The following PCDH9 variants were observed in gnomAD, a reference collection of about 807,000 sequenced individuals.
PCDH9 encodes protocadherin-9.
Under a neutral mutation model 70.6 loss-of-function variants are expected in PCDH9, and 24 were observed. That is an observed-to-expected ratio of 0.34 (90% CI 0.25 to 0.48). The LOEUF (loss-of-function observed/expected upper bound fraction) is 0.48. Among genes scored for constraint, PCDH9 ranks in the 20% least tolerant of loss-of-function variants. PCDH9 has a pLI of 0.99. For synonymous variants in PCDH9, 562 were observed against 558.5 expected (o/e 1.01, Z -0.09); for missense variants, 1,281 against 1,503.6 (o/e 0.85, Z 2.45).
intron 4 of PCDH9, among the ~76,000 whole-genome samples, chr13:66,429,352 C>A (rs182495486): frequency 3.3e-5 from 5 of 150,690 alleles, no homozygotes; most frequent in Admixed American, 1.3e-4. Context: ...GGAGAAAAAT[C>A]ATGTAAATGA....
At position 66,900,737 on chromosome 13, in the gene PCDH9, C is replaced by T. The variant is rs537976476; in HGVS notation, c.3138+2767G>A. ...TAAGAATTTCATCCAGATTAGTCAG[C>T]ACTCATTGACACCGAACATGACTCT... On this transcript the variant is annotated intron_variant, in intron 3 of 4. Transcript: ENST00000377865. Among the ~76,000 whole-genome samples, 18 of 151,726 alleles carry T rather than the reference C, an allele frequency of 1.2e-4. No homozygotes were observed. In the South Asian group the frequency reaches 3.7e-3, roughly 31 times the overall value.
intron 4 of PCDH9, among the ~76,000 whole-genome samples, chr13:66,407,674 T>C (rs1017988228): frequency 2.0e-5 from 3 of 152,206 alleles, no homozygotes; most frequent in Admixed American, 6.5e-5. Context: ...TTAGAAGCGA[T>C]CTACAATTAC....
intron 2 of PCDH9, among the ~76,000 whole-genome samples, chr13:67,165,812 T>G (rs1294096800): frequency 2.0e-5 from 3 of 152,234 alleles, no homozygotes; most frequent in African/African-American, 7.2e-5. Context: ...AAAAGGATTT[T>G]AAGACGCATG....
At position 66,845,020 on chromosome 13, in the gene PCDH9, G is replaced by A. The variant is rs1465893358; in HGVS notation, c.3138+58484C>T. Among the ~76,000 whole-genome samples, 7 of 152,120 alleles carry A rather than the reference G, an allele frequency of 4.6e-5. No homozygotes were observed. In the East Asian group the frequency reaches 1.2e-3, roughly 25 times the overall value. On this transcript the variant is annotated intron_variant, in intron 3 of 4. Coordinates refer to ENST00000377865, the MANE Select transcript of PCDH9 (RefSeq NM_203487.3). ...TTTTTACGGGTTTCAGAGGGGAAAAGTGTATGCTGACTCGTCCATAGGCAG... is the reference window on the plus strand; with the variant it reads ...TTTTTACGGGTTTCAGAGGGGAAAAATGTATGCTGACTCGTCCATAGGCAG...
intron 2 of PCDH9, among the ~76,000 whole-genome samples, chr13:66,923,439 C>T (rs1466703834): frequency 1.3e-5 from 2 of 151,598 alleles, no homozygotes; most frequent in East Asian, 3.9e-4. Context: ...ATTATAAAGA[C>T]TTTATCTTAA....
chr13:66,481,982 C>A (rs1215009174), intron 4 of PCDH9, among the ~76,000 whole-genome samples: 2 of 151,822 alleles, frequency 1.3e-5, no homozygotes, highest in African/African-American at 4.8e-5. Context: ...AATCAATCAA[C>A]AGTGAAAAAT....
At chr13:67,142,301 C>G (rs1306051139) in intron 2 of PCDH9, among the ~76,000 whole-genome samples, 2 of 152,110 alleles carry the variant, frequency 1.3e-5, no homozygotes, top group Non-Finnish European at 2.9e-5. Flanking sequence ...TAGTGAAGAT[C>G]TTACATTGAT....
chr13:66,678,964 G>C (rs2078281192), intron 3 of PCDH9, among the ~76,000 whole-genome samples: 1 of 150,826 alleles, frequency 6.6e-6, no homozygotes, highest in South Asian at 2.1e-4. Context: ...TATACATCCA[G>C]TATATATATA....
At chr13:67,182,311 T>C (rs892772050) in intron 2 of PCDH9, among the ~76,000 whole-genome samples, 7 of 152,142 alleles carry the variant, frequency 4.6e-5, no homozygotes, top group African/African-American at 1.4e-4. Context: ...TGAAAAAACA[T>C]GGAGTTGAGA....
intron 2 of PCDH9, among the ~76,000 whole-genome samples, chr13:67,179,947 G>A (rs1401961274): frequency 6.6e-6 from 1 of 152,100 alleles, no homozygotes; most frequent in African/African-American, 2.4e-5. Context: ...AGAAATGTAT[G>A]ATCTGTATTT....
chr13:66,743,494 T>TA lies in PCDH9; in HGVS notation c.3139-112084dup, dbSNP rs67661788. On this transcript the variant is annotated intron_variant, in intron 3 of 4. Coordinates refer to ENST00000377865, the MANE Select transcript of PCDH9 (RefSeq NM_203487.3). ...ATGTACCCTAAAACTTAAAGTATAA[T>TA]AAAAAAAAAAAAATTTGGAAGAGGT... Among the ~76,000 whole-genome samples the TA allele has an allele frequency of 2.3e-3, 338 of 144,686 alleles. 1 individual carries two copies. Among genetic ancestry groups the TA allele is most frequent in the African/African-American group, 6.7e-3 (262 of 38,958 alleles). 94.9% of individuals were successfully genotyped at this position (144,686 alleles called of 152,430 possible).
chr13:66,769,960 G>C (rs2079780284), intron 3 of PCDH9, among the ~76,000 whole-genome samples: 1 of 152,052 alleles, frequency 6.6e-6, no homozygotes, highest in African/African-American at 2.4e-5. Flanking sequence ...ACTGAAAAAG[G>C]AGCATCCATT....
At chr13:66,665,152 G>T (rs563744765) in intron 3 of PCDH9, among the ~76,000 whole-genome samples, 1 of 149,898 alleles carries the variant, frequency 6.7e-6, no homozygotes, top group South Asian at 2.1e-4. Context: ...TGTCGCCCAG[G>T]CTGGAGGGCA....
At position 66,803,685 on chromosome 13, in the gene PCDH9, T is replaced by TTTTGCAAAATGAA. The variant is rs757335519; in HGVS notation, c.3138+99818_3138+99819insTTCATTTTGCAAA. Among the ~76,000 whole-genome samples, 280 of 152,296 alleles carry TTTTGCAAAATGAA rather than the reference T, an allele frequency of 1.8e-3. 2 individuals are homozygous for TTTTGCAAAATGAA. The highest frequency in any genetic ancestry group is 2.1e-3 in the Admixed American group (32 of 15,294). ...TGAATTTCATTACAATAATGATTCA[T>TTTTGCAAAATGAA]TTCATATGCATATTGCAAAAAGGTT... On this transcript the variant is annotated intron_variant, in intron 3 of 4. Coordinates refer to ENST00000377865, the MANE Select transcript of PCDH9 (RefSeq NM_203487.3).
At chr13:66,471,795 G>A (rs1461549226) in intron 4 of PCDH9, among the ~76,000 whole-genome samples, 1 of 152,142 alleles carries the variant, frequency 6.6e-6, no homozygotes, top group African/African-American at 2.4e-5. Context: ...TGCTCTGCTA[G>A]TATCAGAGAA....
intron 4 of PCDH9, among the ~76,000 whole-genome samples, chr13:66,511,422 C>T (rs951780634): frequency 6.6e-6 from 1 of 151,906 alleles, no homozygotes; most frequent in Non-Finnish European, 1.5e-5. Flanking sequence ...TCACACATAC[C>T]TCATGGGATT....
At chr13:67,062,355 G>A (rs1019752719) in intron 2 of PCDH9, among the ~76,000 whole-genome samples, 1 of 152,154 alleles carries the variant, frequency 6.6e-6, no homozygotes, top group Non-Finnish European at 1.5e-5. Flanking sequence ...GCATGCTTTG[G>A]AGTCATGTGA....
intron 4 of PCDH9, among the ~76,000 whole-genome samples, chr13:66,593,054 T>C (rs1012927121): frequency 9.2e-5 from 14 of 151,660 alleles, no homozygotes; most frequent in African/African-American, 2.9e-4. Flanking sequence ...CTGAAGAATA[T>C]GGTAGACAAT....
At chr13:66,349,906 A>G (rs1249161523) in intron 4 of PCDH9, among the ~76,000 whole-genome samples, 2 of 152,162 alleles carry the variant, frequency 1.3e-5, no homozygotes, top group Non-Finnish European at 2.9e-5. Context: ...GACTTTATAG[A>G]TATTATAACA....
Sources: gnomAD v4.1 joint callset for allele counts (sites outside exome capture counted in the v4.1 genomes callset) on GRCh38, gnomAD v4.1.1 for gene constraint, MANE v1.5 for transcripts, NCBI Gene and HGNC (gene_info 2026-07-23, HGNC 2026-07-21) for gene names.